WDFY1: variants seen among roughly 807,000 people sequenced by gnomAD.
WDFY1 encodes the protein WD repeat and FYVE domain-containing protein 1.
A neutral mutation model predicts 56.4 loss-of-function variants in WDFY1; 32 were observed. The ratio of observed to expected loss-of-function variants is 0.57; its 90% CI spans 0.43 to 0.76. The LOEUF is 0.76. Ranked by LOEUF, WDFY1 falls within the 30% of genes least tolerant of loss-of-function variation. The probability of loss-of-function intolerance (pLI) is 0.00; values close to 1 mark genes in which losing one functional copy is unlikely to be tolerated. For synonymous variants in WDFY1, 192 were observed against 197.3 expected (o/e 0.97, Z 0.23); for missense variants, 480 against 545.7 (o/e 0.88, Z 1.20).
chr2:223,905,600 ACAC>A (rs1040304573), intron 4 of WDFY1, among the ~76,000 whole-genome samples: 4 of 152,162 alleles, frequency 2.6e-5, no homozygotes, highest in African/African-American at 9.7e-5. Flanking sequence ...CAATACACAC[ACAC>A]AATGTGTATA....
chr2:223,918,246 T>C (rs1574774160), intron 1 of WDFY1, among the ~76,000 whole-genome samples: 1 of 152,182 alleles, frequency 6.6e-6, no homozygotes, highest in Non-Finnish European at 1.5e-5. Flanking sequence ...CATATACATA[T>C]ACATACTATA....
At chr2:223,916,961 T>A (rs1011836037) in intron 2 of WDFY1, among the ~76,000 whole-genome samples, 4 of 152,012 alleles carry the variant, frequency 2.6e-5, no homozygotes, top group African/African-American at 9.7e-5. Flanking sequence ...ATTACAGGCA[T>A]GTGCCACCAT....
At chr2:223,917,314 A>T (rs1693804907) in intron 2 of WDFY1, among the ~76,000 whole-genome samples, 1 of 152,188 alleles carries the variant, frequency 6.6e-6, no homozygotes, top group Admixed American at 6.5e-5. Context: ...TTTAGTGTTG[A>T]TATCGGCTAC....
intron 3 of WDFY1, among the ~76,000 whole-genome samples, chr2:223,909,407 G>A (rs1400153737): frequency 1.3e-5 from 2 of 152,000 alleles, no homozygotes; most frequent in East Asian, 3.9e-4. Context: ...TAGGCAGCAG[G>A]TCTGGGCCCT....
rs1333847481 is a variant in WDFY1 at position 223,878,584 on chromosome 2, C to G, written c.*87G>C. The G allele has an allele frequency of 1.0e-6, 1 of 997,354 alleles. No homozygotes were observed. Among genetic ancestry groups the G allele is most frequent in the African/African-American group, 1.6e-5 (1 of 61,900 alleles). The allele number at this position is 997,354 out of a possible 1,614,324, so 61.8% of individuals were successfully genotyped here. On this transcript the variant is annotated 3_prime_UTR_variant, in exon 12 of 12. Transcript: ENST00000233055. Reference sequence around the variant, plus strand: ...TGTTTGTAAGTGGCTACTGTCCATTCACGAGACAGCGCTGTGGAGCTGCGT... The same window carrying G: ...TGTTTGTAAGTGGCTACTGTCCATTGACGAGACAGCGCTGTGGAGCTGCGT...
In WDFY1 at chr2:223,898,982, T is replaced by C; in HGVS notation, c.574A>G (p.Ile192Val). Residue 192 changes from isoleucine (I) to valine (V), a missense_variant, in exon 6 of 12, where the codon ATC becomes GTC. Physicochemically the swap from Ile to Val is conservative, Grantham distance 29. Transcript: ENST00000233055. ...LKLEQNTCSV[I>V]TTLKGHEGSV... ...CCTTCATGTCCTTTGAGGGTTGTGA[T>C]GACTGAACACGTGTTCTGTTCAAGC... 1 of 1,614,150 alleles carries C rather than the reference T, an allele frequency of 6.2e-7. No individual in the cohort carries two copies. Among genetic ancestry groups the C allele is most frequent in the Non-Finnish European group, 8.5e-7 (1 of 1,179,996 alleles).
intron 3 of WDFY1, among the ~76,000 whole-genome samples, chr2:223,906,551 T>C (rs1412863537): frequency 6.6e-6 from 1 of 151,812 alleles, no homozygotes; most frequent in African/African-American, 2.4e-5. Context: ...TATTTATTTA[T>C]TTATTTAGAG....
chr2:223,881,127 G>A (rs1053318933), intron 10 of WDFY1, among the ~76,000 whole-genome samples: 1 of 152,226 alleles, frequency 6.6e-6, no homozygotes, highest in Non-Finnish European at 1.5e-5. Context: ...GCAGAGTGGG[G>A]TATCAAACAG....
intron 6 of WDFY1, among the ~76,000 whole-genome samples, chr2:223,895,927 G>T (rs1041853205): frequency 5.3e-5 from 8 of 151,946 alleles, no homozygotes; most frequent in Non-Finnish European, 1.0e-4. Context: ...GGAGGCCAAG[G>T]AGGGCGAATC....
At chr2:223,919,130 G>A (rs548611649) in intron 1 of WDFY1, among the ~76,000 whole-genome samples, 3 of 152,298 alleles carry the variant, frequency 2.0e-5, no homozygotes, top group African/African-American at 4.8e-5. Context: ...ACAGGTGATC[G>A]CCCTGCTCTG....
At chr2:223,889,151 G>C (rs1693225927) in intron 8 of WDFY1, among the ~76,000 whole-genome samples, 2 of 152,086 alleles carry the variant, frequency 1.3e-5, no homozygotes, top group African/African-American at 2.4e-5. Context: ...GGATTCACCT[G>C]TCTCAGCCTC....
chr2:223,908,583 T>C (rs1693640935), intron 3 of WDFY1, among the ~76,000 whole-genome samples: 1 of 152,196 alleles, frequency 6.6e-6, no homozygotes, highest in South Asian at 2.1e-4. Flanking sequence ...CTGGCTTTTC[T>C]TTAAATATTG....
At chr2:223,900,516 C>T (rs1015254576) in intron 5 of WDFY1, among the ~76,000 whole-genome samples, 1 of 152,028 alleles carries the variant, frequency 6.6e-6, no homozygotes, top group African/African-American at 2.4e-5. Context: ...TAGGTAAGGG[C>T]GAGCTCTACA....
intron 3 of WDFY1, among the ~76,000 whole-genome samples, chr2:223,911,337 C>G (rs1317215780): frequency 6.6e-6 from 1 of 151,374 alleles, no homozygotes; most frequent in Non-Finnish European, 1.5e-5. Flanking sequence ...AATGGTTGCA[C>G]AATCTTATGA....
chr2:223,905,122 T>C (rs1347419727), intron 4 of WDFY1, among the ~76,000 whole-genome samples: 1 of 152,170 alleles, frequency 6.6e-6, no homozygotes, highest in Non-Finnish European at 1.5e-5. Flanking sequence ...TTCTTGACTA[T>C]AAAACAGGAA....
chr2:223,891,286 G>C (rs982110641), intron 8 of WDFY1, among the ~76,000 whole-genome samples: 1 of 145,270 alleles, frequency 6.9e-6, no homozygotes, highest in Non-Finnish European at 1.5e-5. Context: ...GGGAGGCTGA[G>C]GTGGGAGAAT....
chr2:223,935,442 T>C (rs1480634997), intron 1 of WDFY1, among the ~76,000 whole-genome samples: 3 of 152,252 alleles, frequency 2.0e-5, no homozygotes, highest in African/African-American at 7.2e-5. Context: ...ATATATGTGC[T>C]AATAATGTCT....
intron 1 of WDFY1, among the ~76,000 whole-genome samples, chr2:223,931,884 C>T (rs1365076349): frequency 6.6e-6 from 1 of 151,984 alleles, no homozygotes; most frequent in African/African-American, 2.4e-5. Context: ...CAGGGTTTCG[C>T]CATGTTGGCC....
chr2:223,885,717 T>A (rs1267871867), intron 8 of WDFY1, among the ~76,000 whole-genome samples: 1 of 152,214 alleles, frequency 6.6e-6, no homozygotes, highest in Admixed American at 6.5e-5. Flanking sequence ...TTGGAAAGGC[T>A]TGCGGGGTCA....
Sources: gnomAD v4.1 joint callset for allele counts (sites outside exome capture counted in the v4.1 genomes callset) on GRCh38, gnomAD v4.1.1 for gene constraint, MANE v1.5 for transcripts, NCBI Gene and HGNC (gene_info 2026-07-23, HGNC 2026-07-21) for gene names.